Variants in COL16A1 observed in about 807,000 individuals in gnomAD.
The protein encoded by COL16A1 is collagen type XVI alpha 1 chain.
Under a neutral mutation model 266.3 loss-of-function variants are expected in COL16A1, and 189 were observed. The observed-to-expected ratio is 0.71, with a 90% confidence interval of 0.63 to 0.80. COL16A1 has a LOEUF of 0.80. Ranked by LOEUF, COL16A1 falls within the 30% of genes least tolerant of loss-of-function variation. The probability of loss-of-function intolerance (pLI) is 0.00; values close to 1 mark genes in which losing one functional copy is unlikely to be tolerated. For missense variants in COL16A1, 1,928 were observed against 2,122.4 expected, an observed-to-expected ratio of 0.91 and a Z score of 1.80; for synonymous variants, 740 against 782.3, an observed-to-expected ratio of 0.95 and a Z score of 0.90.
intron 67 of COL16A1, 35 bp from the exon 68 acceptor site, chr1:31,654,893 C>A (rs773429231): frequency 6.2e-7 from 1 of 1,610,158 alleles, no homozygotes; most frequent in South Asian, 1.1e-5. Flanking sequence ...CTCAATTATA[C>A]TTCCAAGCCT....
At chr1:31,669,555 A>G (rs376366075) in intron 49 of COL16A1, among the ~76,000 whole-genome samples, 5 of 151,700 alleles carry the variant, frequency 3.3e-5, no homozygotes, top group Middle Eastern at 6.8e-3. Context: ...AAACCTTTCC[A>G]TGACATAAGA....
chr1:31,696,855 C>T (rs1557694900), intron 8 of COL16A1, 108 bp downstream of exon 8: 4 of 1,562,364 alleles, frequency 2.6e-6, no homozygotes, highest in Non-Finnish European at 3.5e-6. Flanking sequence ...CCCCTCCTGC[C>T]CTGGGCCCAT....
rs974851048 is a variant in COL16A1, at chr1:31,684,108, C to CGGGTTT, written c.2278_2283dup (p.Lys760_Pro761dup). On this transcript the variant is annotated inframe_insertion and splice_region_variant. Coordinates refer to ENST00000373672, the MANE Select transcript of COL16A1 (RefSeq NM_001856.4). ...GAAGGGCCGGAGGGCAGGCAACTCA[C>CGGGTTT]GGGTTTACCAGGTCGGCCCACGCCT... 1 of 1,594,690 alleles carries CGGGTTT rather than the reference C, an allele frequency of 6.3e-7. No individual in the cohort carries two copies. Among genetic ancestry groups the CGGGTTT allele is most frequent in the African/African-American group, 1.3e-5 (1 of 74,758 alleles).
rs151099980 is a variant in COL16A1, at chr1:31,693,131, C to A, written c.1032G>T (p.Leu344=). 1,146 of 1,611,602 alleles carry A rather than the reference C, an allele frequency of 7.1e-4. 11 individuals are homozygous for A. The East Asian group carries it at 0.019, about 26-fold the overall frequency. The change falls in exon 13 of 71, where the codon CTG becomes CTT. Residue 344 remains leucine (L), a synonymous_variant. Coordinates refer to ENST00000373672, the MANE Select transcript of COL16A1 (RefSeq NM_001856.4). ...CTCCCTTGGAGCCTGGTGGACCAGG[C>A]AGGCCCCGCTCACCTTTCCCTCCCT... The part of the protein sequence containing the change: ...GPKGGKGERG[L]PGPPGSKGEK...
At position 31,691,674 on chromosome 1, in the gene COL16A1, C is replaced by T. The variant is rs572575930; in HGVS notation, c.1258-32G>A. On this transcript the variant is annotated intron_variant, in intron 17 of 70. Coordinates refer to ENST00000373672, the MANE Select transcript of COL16A1 (RefSeq NM_001856.4). ...GGGGATAAGGGGGAGGGTGTACAAA[C>T]AGCCCTGAGGCCTGGCACCGCCCCA... The T allele has an allele frequency of 5.6e-6, 9 of 1,607,826 alleles. 1 individual carries two copies. The South Asian group carries it at 8.9e-5, about 16-fold the overall frequency.
intron 52 of COL16A1, among the ~76,000 whole-genome samples, 165 bp downstream of exon 52, chr1:31,667,410 C>T (rs1440983332): frequency 2.0e-5 from 3 of 152,160 alleles, no homozygotes; most frequent in South Asian, 4.1e-4. Flanking sequence ...GGATTCTCCT[C>T]ACAGCCTCCA....
In COL16A1 at chr1:31,670,651, T is replaced by A. The variant is rs1451096963; in HGVS notation, c.3151-5A>T. On this transcript the variant is annotated splice_polypyrimidine_tract_variant and splice_region_variant and intron_variant, in intron 48 of 70. Transcript: ENST00000373672. This position sits in a 1 kb window ranked among gnomAD's most constrained non-coding sequence, Gnocchi z 4.5. ...ACCAGGAAAACCTGGGGGGCCCTGG[T>A]GGGAGAAACAGGCAGGTCACATCTC... The A allele has an allele frequency of 2.1e-6, 3 of 1,432,860 alleles. No homozygotes were observed. In the African/African-American group the frequency reaches 4.6e-5, roughly 22 times the overall value. 88.8% of individuals were successfully genotyped at this position (1,432,860 alleles called of 1,614,324 possible).
At chr1:31,684,419 C>T in intron 31 of COL16A1, 104 bp downstream of exon 31, 2 of 1,522,504 alleles carry the variant, frequency 1.3e-6, no homozygotes, top group Non-Finnish European at 1.8e-6. Flanking sequence ...ACTCTGACAG[C>T]CGTTAAGGCC....
chr1:31,692,963 A>AC, intron 13 of COL16A1, 129 bp downstream of exon 13: 1 of 945,212 alleles, frequency 1.1e-6, no homozygotes, highest in Non-Finnish European at 1.7e-6. Flanking sequence ...CCTGGCCCTC[A>AC]CCCCCCTCCC....
In COL16A1 at chr1:31,684,534, T is replaced by C; in HGVS notation, c.2149A>G (p.Lys717Glu). The change falls in exon 31 of 71, where the codon AAA becomes GAA. Residue 717 changes from lysine to glutamate, a missense_variant. Lys to Glu is a moderately conservative substitution (Grantham distance 56). This residue lies in a region of COL16A1 where 1,552 missense variants were observed against 1,637.2 expected (regional missense o/e 0.95). Transcript: ENST00000373672. ...EPGVQGPAGPKGEKGDGCTAC... is the reference protein window; with the variant it reads ...EPGVQGPAGPEGEKGDGCTAC... Reference sequence around the variant, plus strand: ...CCCGCCTGACTAACCTTTTCTCCTTTTGGCCCCGCGGGGCCCTGAACTCCA... The same window carrying C: ...CCCGCCTGACTAACCTTTTCTCCTTCTGGCCCCGCGGGGCCCTGAACTCCA... 6.2e-7 allele frequency: 1 copy of C among 1,612,538 alleles called. No homozygotes were observed. The highest frequency in any genetic ancestry group is 2.2e-5 in the East Asian group (1 of 44,858).
intron 44 of COL16A1, chr1:31,673,254 G>C (rs781161747): frequency 2.3e-5 from 7 of 298,938 alleles, no homozygotes; most frequent in Non-Finnish European, 4.6e-5. Flanking sequence ...GAACAGCTGC[G>C]GGAGGAGCCA....
At chr1:31,689,184 C>A in intron 23 of COL16A1, 99 bp from the exon 24 acceptor site, 1 of 1,577,732 alleles carries the variant, frequency 6.3e-7, no homozygotes, top group South Asian at 1.2e-5. Flanking sequence ...ACACGCAAAC[C>A]GTCCAAACAC....
Position 31,657,158 on chromosome 1 carries a change from C to T in COL16A1, c.4021-90G>A, listed in dbSNP as rs1191006518. 5 of 1,537,578 alleles carry T rather than the reference C, an allele frequency of 3.3e-6. No homozygotes were observed. The highest frequency in any genetic ancestry group is 4.5e-6 in the Non-Finnish European group (5 of 1,111,998). ...TTTGTACATGGGGCAAGCCCAGCCC[C>T]CTGTTCCACCCAGAGGCCACGATCC... On this transcript the variant is annotated intron_variant, in intron 64 of 70. Coordinates refer to ENST00000373672, the MANE Select transcript of COL16A1 (RefSeq NM_001856.4). This position sits in a 1 kb window ranked among gnomAD's most constrained non-coding sequence, Gnocchi z 6.4.
intron 66 of COL16A1, 146 bp from the exon 67 acceptor site, chr1:31,655,648 C>G: frequency 7.3e-7 from 1 of 1,369,370 alleles, no homozygotes; most frequent in Non-Finnish European, 9.9e-7. Flanking sequence ...CACCTCACTG[C>G]CCCAGAGTGG....
rs1249928329 is a variant in COL16A1 at position 31,684,224 on chromosome 1, C to G, written c.2168G>C (p.Gly723Ala). 1 of 1,497,100 alleles carries G rather than the reference C, an allele frequency of 6.7e-7. No homozygotes were observed. The highest frequency in any genetic ancestry group is 2.3e-5 in the Admixed American group (1 of 44,018). 92.7% of individuals were successfully genotyped at this position (1,497,100 alleles called of 1,614,324 possible). ...PAGPKGEKGD[G>A]CTACPSLQGT... Reference sequence around the variant, plus strand: ...CTGCAGGCTGGGGCAGGCAGTGCAGCCATCACCCTGGTCAGAGATGGGTAC... The same window carrying G: ...CTGCAGGCTGGGGCAGGCAGTGCAGGCATCACCCTGGTCAGAGATGGGTAC... The change falls in exon 32 of 71, where the codon GGC (glycine) becomes GCC (alanine). Residue 723 changes from glycine to alanine, a missense_variant. Gly to Ala is a moderately conservative substitution (Grantham distance 60, BLOSUM62 0). This residue lies in a region of COL16A1 where 1,552 missense variants were observed against 1,637.2 expected (regional missense o/e 0.95). Transcript: ENST00000373672.
rs1397218075 is a variant in COL16A1, at chr1:31,658,408, ATATGT to A, written c.4020+75_4020+79del. On this transcript the variant is annotated intron_variant, in intron 64 of 70. Coordinates refer to ENST00000373672, the MANE Select transcript of COL16A1 (RefSeq NM_001856.4). The stretch of plus-strand genomic sequence containing the variant: ...GCCTCTCCTTCCTTAGAGACCCCAG[ATATGT>A]TGTGCTGTGCTCAACAGGCCTTGAG... 1.7e-5 allele frequency: 20 copies of A among 1,189,702 alleles called. No individual in the cohort carries two copies. The African/African-American group carries it at 2.9e-4, about 17-fold the overall frequency. The allele number at this position is 1,189,702 out of a possible 1,614,324, so 73.7% of individuals were successfully genotyped here.
intron 14 of COL16A1, 31 bp downstream of exon 14, chr1:31,692,736 C>T (rs1353709495): frequency 5.0e-6 from 8 of 1,613,256 alleles, no homozygotes; most frequent in African/African-American, 1.3e-5. Context: ...CCCATATTGG[C>T]CCTGAAGCAG....
At chr1:31,660,476 G>A in intron 62 of COL16A1, 109 bp downstream of exon 62, 1 of 1,465,464 alleles carries the variant, frequency 6.8e-7, no homozygotes, top group South Asian at 1.3e-5. Context: ...CCACGGCTGG[G>A]GCAGCCCCTA....
Position 31,685,005 on chromosome 1 carries a change from CAA to C in COL16A1, c.2017-151_2017-150del. On this transcript the variant is annotated intron_variant, in intron 29 of 70. Transcript: ENST00000373672. This position sits in a 1 kb window ranked among gnomAD's most constrained non-coding sequence, Gnocchi z 4.0. Reference sequence around the variant, plus strand: ...GAAGCAATCTTGCCCAGGTGCAGAGCAAAGATTTGTGCCAGACTCTTTGCCTG... The same window carrying C: ...GAAGCAATCTTGCCCAGGTGCAGAGCAGATTTGTGCCAGACTCTTTGCCTG... 3.4e-6 allele frequency: 5 copies of C among 1,489,868 alleles called. No homozygotes were observed. The highest frequency in any genetic ancestry group is 4.5e-6 in the Non-Finnish European group (5 of 1,099,882). The allele number at this position is 1,489,868 out of a possible 1,614,324, so 92.3% of individuals were successfully genotyped here.
Sources: allele counts gnomAD v4.1 joint callset (sites outside exome capture counted in the v4.1 genomes callset), GRCh38; gene constraint gnomAD v4.1.1; regional missense constraint gnomAD v4.1.1; non-coding constraint Gnocchi (gnomAD v3.1); transcripts MANE v1.5; gene names NCBI Gene and HGNC (gene_info 2026-07-23, HGNC 2026-07-21).